The following RYR2 variants were observed in gnomAD, a reference collection of about 807,000 sequenced individuals.
RYR2 encodes ryanodine receptor 2.
RYR2 carries 227 observed loss-of-function variants against 601.1 expected under a neutral mutation model. The observed-to-expected ratio is 0.38, with a 90% CI of 0.34 to 0.42. The LOEUF (loss-of-function observed/expected upper bound fraction) is 0.42, where lower values mean the gene tolerates loss of function less well. Among genes scored for constraint, RYR2 ranks in the 10% least tolerant of loss-of-function variants. RYR2 has a pLI of 1.00. For synonymous variants in RYR2, 2,223 were observed against 2,175.1 expected (o/e 1.02, Z -0.61); for missense variants, 4,646 against 6,156.5 (o/e 0.75, Z 8.21).
At position 237,383,417 on chromosome 1, in the gene RYR2, G is replaced by GTTTT. The variant is rs10567644; in HGVS notation, c.577-3837_577-3834dup. ...TTTACATTTTCTTTTCTTTTTTCTTGTTTTTTTTTTTTTTTTTTTTTTTTT... is the reference window on the plus strand; with the variant it reads ...TTTACATTTTCTTTTCTTTTTTCTTGTTTTTTTTTTTTTTTTTTTTTTTTTTTTT... On this transcript the variant is annotated intron_variant, in intron 8 of 104. Coordinates refer to ENST00000366574, the MANE Select transcript of RYR2 (RefSeq NM_001035.3). 2.9e-3 allele frequency among the ~76,000 whole-genome samples: 146 copies of GTTTT among 50,592 alleles called. 19 individuals are homozygous for GTTTT. The highest frequency in any genetic ancestry group is 3.8e-3 in the Non-Finnish European group (102 of 26,524). 33.2% of individuals were successfully genotyped at this position (50,592 alleles called of 152,430 possible).
chr1:237,288,696 G>T (rs996620429), intron 2 of RYR2, among the ~76,000 whole-genome samples: 3 of 152,180 alleles, frequency 2.0e-5, no homozygotes, highest in East Asian at 3.9e-4. Context: ...GTTTCCAGGC[G>T]GAGGGTGTGA....
At chr1:237,743,663 T>G (rs763376895) in intron 80 of RYR2, 1 of 514,482 alleles carries the variant, frequency 1.9e-6, no homozygotes, top group Non-Finnish European at 3.9e-6. Flanking sequence ...TGGGTCTGAG[T>G]TTCGGTTTCT....
chr1:237,433,331 G>A (rs1707016713), intron 12 of RYR2, among the ~76,000 whole-genome samples: 1 of 99,958 alleles, frequency 1.0e-5, no homozygotes, highest in African/African-American at 3.6e-5. Context: ...AAAAATTAGA[G>A]TAATTGATAG....
In RYR2 at chr1:237,781,606, G is replaced by A. The variant is rs769084479; in HGVS notation, c.11922G>A (p.Leu3974=). The A allele has an allele frequency of 1.2e-5, 19 of 1,595,150 alleles. No homozygotes were observed. The highest frequency in any genetic ancestry group is 1.6e-5 in the Non-Finnish European group (19 of 1,167,394). Residue 3974 remains leucine (L), a synonymous_variant, in exon 89 of 105, where the codon CTG becomes CTA. Coordinates refer to ENST00000366574, the MANE Select transcript of RYR2 (RefSeq NM_001035.3). ...AGCTATTAAAAGAATTAATGGATCTGCAGAAGGATATGGTGGTCATGTTGC... is the reference window on the plus strand; with the variant it reads ...AGCTATTAAAAGAATTAATGGATCTACAGAAGGATATGGTGGTCATGTTGC... ...QIELLKELMD[L]QKDMVVMLLS... is the part of the protein sequence containing the mutation.
intron 48 of RYR2, 69 bp downstream of exon 48, chr1:237,643,516 T>C: frequency 1.3e-6 from 2 of 1,593,910 alleles, no homozygotes; most frequent in South Asian, 2.2e-5. Flanking sequence ...AAGAATGTTT[T>C]CCGTACTCAA....
chr1:237,737,463 C>T (rs376806874), intron 79 of RYR2, among the ~76,000 whole-genome samples: 1 of 152,202 alleles, frequency 6.6e-6, no homozygotes, highest in African/African-American at 2.4e-5. Context: ...CTCACTTGCA[C>T]TGCCTTAGGA....
rs546823090 is a variant in RYR2 at position 237,050,268 on chromosome 1, G to A, written c.48+7699G>A. 5.3e-5 allele frequency among the ~76,000 whole-genome samples: 8 copies of A among 152,250 alleles called. No individual in the cohort carries two copies. In the East Asian group the frequency reaches 1.5e-3, roughly 29 times the overall value. ...AGAAAACCTGAAATCTAGCTGTGGA[G>A]CCAAGATAGATGCAGAAGAAAGCGA... is the stretch of plus-strand genomic sequence containing the variant. On this transcript the variant is annotated intron_variant, in intron 1 of 104. Coordinates refer to ENST00000366574, the MANE Select transcript of RYR2 (RefSeq NM_001035.3).
intron 1 of RYR2, among the ~76,000 whole-genome samples, chr1:237,114,706 A>G (rs542875128): frequency 2.0e-5 from 3 of 152,326 alleles, no homozygotes; most frequent in East Asian, 3.9e-4. Context: ...TAGAGGCTAA[A>G]AACCCATGCT....
intron 1 of RYR2, among the ~76,000 whole-genome samples, chr1:237,226,016 C>A (rs1348563586): frequency 6.6e-6 from 1 of 150,662 alleles, no homozygotes; most frequent in Non-Finnish European, 1.5e-5. Context: ...GATTGTGCCA[C>A]TGCACTCCAG....
At chr1:237,165,889 G>C (rs1274694421) in intron 1 of RYR2, among the ~76,000 whole-genome samples, 4 of 152,096 alleles carry the variant, frequency 2.6e-5, no homozygotes, top group Non-Finnish European at 5.9e-5. Context: ...GTAGCCTGTT[G>C]TCAGGCAAGG....
chr1:237,550,434 G>A, intron 26 of RYR2, 110 bp from the exon 27 acceptor site: 3 of 1,257,140 alleles, frequency 2.4e-6, no homozygotes. Flanking sequence ...ATGGATTGTG[G>A]AAGGGTCACG....
chr1:237,056,065 G>C (rs1407352233), intron 1 of RYR2, among the ~76,000 whole-genome samples: 1 of 148,980 alleles, frequency 6.7e-6, no homozygotes, highest in Non-Finnish European at 1.5e-5. Context: ...GTACCTGTGA[G>C]GACTGGAGCA....
chr1:237,192,135 C>T (rs1680026297), intron 1 of RYR2, among the ~76,000 whole-genome samples: 1 of 149,448 alleles, frequency 6.7e-6, no homozygotes, highest in African/African-American at 2.5e-5. Context: ...GCCAAGACTT[C>T]AACCCATGCA....
chr1:237,731,973 C>A, intron 77 of RYR2, 73 bp from the exon 78 acceptor site: 1 of 892,474 alleles, frequency 1.1e-6, no homozygotes, highest in Non-Finnish European at 1.8e-6. Context: ...CATTGCTGTC[C>A]TTCACAGTGC....
intron 15 of RYR2, among the ~76,000 whole-genome samples, chr1:237,455,402 T>C (rs1454071372): frequency 1.3e-5 from 2 of 151,902 alleles, no homozygotes; most frequent in Non-Finnish European, 2.9e-5. Context: ...GAACAATAAA[T>C]ACCAGGGCCT....
chr1:237,769,476 C>T (rs533590330), intron 84 of RYR2, among the ~76,000 whole-genome samples: 1 of 152,258 alleles, frequency 6.6e-6, no homozygotes, highest in African/African-American at 2.4e-5. Flanking sequence ...CACCAAATTT[C>T]ATATCTTGTG....
intron 2 of RYR2, among the ~76,000 whole-genome samples, chr1:237,271,434 T>A (rs1689675172): frequency 1.3e-5 from 2 of 152,212 alleles, no homozygotes; most frequent in African/African-American, 4.8e-5. Flanking sequence ...TTATTCCTGA[T>A]TCCTAATTGT....
chr1:237,350,401 C>T (rs943302607), intron 3 of RYR2, among the ~76,000 whole-genome samples: 3 of 150,988 alleles, frequency 2.0e-5, no homozygotes, highest in African/African-American at 7.3e-5. Context: ...GAAACTCTGT[C>T]TCTGCTAAAA....
intron 66 of RYR2, among the ~76,000 whole-genome samples, chr1:237,704,746 T>A (rs2149048262): frequency 6.6e-6 from 1 of 151,994 alleles, no homozygotes; most frequent in African/African-American, 2.4e-5. Flanking sequence ...CAAAAAAAAA[T>A]TCAAAGGTAA....
Sources: allele counts gnomAD v4.1 joint callset (sites outside exome capture counted in the v4.1 genomes callset), GRCh38; gene constraint gnomAD v4.1.1; transcripts MANE v1.5; gene names NCBI Gene and HGNC (gene_info 2026-07-23, HGNC 2026-07-21).